KLHL9: variants seen among roughly 807,000 people sequenced by gnomAD.
KLHL9 encodes kelch-like protein 9.
A neutral mutation model predicts 42.3 loss-of-function variants in KLHL9; 27 were observed. That is an observed-to-expected ratio of 0.64 (90% CI 0.47 to 0.88). KLHL9 has a LOEUF of 0.88. Ranked by LOEUF, KLHL9 falls within the 40% of genes least tolerant of loss-of-function variation. The pLI is 0.00. For synonymous variants in KLHL9, 274 were observed against 254.4 expected (o/e 1.08, Z -0.73); for missense variants, 629 against 750.3 (o/e 0.84, Z 1.89).
At position 21,334,283 on chromosome 9, in the gene KLHL9, G is replaced by C. The variant is rs758195316; in HGVS notation, c.577C>G (p.Leu193Val). Residue 193 changes from leucine to valine, a missense_variant, in exon 1 of 1, where the codon CTC becomes GTC. This residue lies in a region of KLHL9 where 351 missense variants were observed against 363.1 expected (regional missense o/e 0.97). Transcript: ENST00000359039. This position sits in a 1 kb window ranked among gnomAD's most constrained non-coding sequence, Gnocchi z 5.1. ...ACAAATGCAAGTCGTTCAAAAGGGA[G>C]TTTTAGAAACTCCCCAGTACTCAAT... ...ALLSTGEFLK[L>V]PFERLAFVLS... 6.2e-7 allele frequency: 1 copy of C among 1,614,128 alleles called. No individual in the cohort carries two copies. Among genetic ancestry groups the C allele is most frequent in the South Asian group, 1.1e-5 (1 of 91,080 alleles).
In KLHL9 at chr9:21,333,828, G is replaced by T; in HGVS notation, c.1032C>A (p.Val344=). The change falls in exon 1 of 1, where the codon GTC becomes GTA. Residue 344 remains valine, a synonymous_variant. Transcript: ENST00000359039. This position sits in a 1 kb window ranked among gnomAD's most constrained non-coding sequence, Gnocchi z 7.5. ...CAACTACATAAAGAAAGTTTCCAAT[G>T]ACAGCAATACCATGCTGGTAACGGG... The part of the protein sequence containing the change: ...DAPRYQHGIA[V]IGNFLYVVGG... The T allele has an allele frequency of 6.2e-7, 1 of 1,613,926 alleles. No homozygotes were observed. Among genetic ancestry groups the T allele is most frequent in the Non-Finnish European group, 8.5e-7 (1 of 1,180,028 alleles).
At position 21,331,381 on chromosome 9, in the gene KLHL9, G is replaced by T. The variant is rs1820167465; in HGVS notation, c.*1625C>A. Reference sequence around the variant, plus strand: ...ACACTTGTATGGGCAGTAAGGTTCAGACCCCTAGAAGCCAATTCATTTTGC... The same window carrying T: ...ACACTTGTATGGGCAGTAAGGTTCATACCCCTAGAAGCCAATTCATTTTGC... On this transcript the variant is annotated 3_prime_UTR_variant, in exon 1 of 1. Coordinates refer to ENST00000359039, the MANE Select transcript of KLHL9 (RefSeq NM_018847.4). The T allele has an allele frequency of 6.6e-6, 1 of 152,496 alleles. No homozygotes were observed. Among genetic ancestry groups the T allele is most frequent in the Non-Finnish European group, 1.5e-5 (1 of 68,028 alleles). The allele number at this position is 152,496 out of a possible 1,614,324, so 9.4% of individuals were successfully genotyped here.
In KLHL9 at chr9:21,334,973, G is replaced by T; in HGVS notation, c.-114C>A. 1 of 1,489,236 alleles carries T rather than the reference G, an allele frequency of 6.7e-7. No individual in the cohort carries two copies. The highest frequency in any genetic ancestry group is 2.4e-5 in the East Asian group (1 of 41,720). 92.3% of individuals were successfully genotyped at this position (1,489,236 alleles called of 1,614,324 possible). A position where few individuals can be genotyped will look rare whatever the true frequency, so the allele number is the denominator to read the frequency against. Reference sequence around the variant, plus strand: ...ACAGAAAGCTCGTTTCCTTATCAAGGGAAGGCAGTCACTGCGGCACCCCTC... The same window carrying T: ...ACAGAAAGCTCGTTTCCTTATCAAGTGAAGGCAGTCACTGCGGCACCCCTC... On this transcript the variant is annotated 5_prime_UTR_variant, in exon 1 of 1. Coordinates refer to ENST00000359039, the MANE Select transcript of KLHL9 (RefSeq NM_018847.4). The surrounding 1 kb of genome is among the most constrained non-coding windows in gnomAD (Gnocchi z 5.1).
chr9:21,335,258 C>G lies in KLHL9; in HGVS notation c.-399G>C. 1 of 479,560 alleles carries G rather than the reference C, an allele frequency of 2.1e-6. No individual in the cohort carries two copies. Among genetic ancestry groups the G allele is most frequent in the South Asian group, 4.9e-5 (1 of 20,352 alleles). The allele number at this position is 479,560 out of a possible 1,614,324, so 29.7% of individuals were successfully genotyped here. A position where few individuals can be genotyped will look rare whatever the true frequency, so the allele number is the denominator to read the frequency against. On this transcript the variant is annotated 5_prime_UTR_variant, in exon 1 of 1. Transcript: ENST00000359039. Reference sequence around the variant, plus strand: ...TCAGCGAACGGCCCGCTGCGCCCTCCGCTGTACCTAGAGTGTCGCAGCGGC... The same window carrying G: ...TCAGCGAACGGCCCGCTGCGCCCTCGGCTGTACCTAGAGTGTCGCAGCGGC...
In KLHL9 at chr9:21,335,205, G is replaced by GA; in HGVS notation, c.-347_-346insT. 1 of 498,938 alleles carries GA rather than the reference G, an allele frequency of 2.0e-6. No individual in the cohort carries two copies. Among genetic ancestry groups the GA allele is most frequent in the Non-Finnish European group, 3.6e-6 (1 of 276,128 alleles). 30.9% of individuals were successfully genotyped at this position (498,938 alleles called of 1,614,324 possible). A position where few individuals can be genotyped will look rare whatever the true frequency, so the allele number is the denominator to read the frequency against. ...GCGCCGCCACGTACTGTGGCTCCACGGCCCGCTCGGCGGCGGGTCCGGACA... is the reference window on the plus strand; with the variant it reads ...GCGCCGCCACGTACTGTGGCTCCACGAGCCCGCTCGGCGGCGGGTCCGGACA... On this transcript the variant is annotated 5_prime_UTR_variant, in exon 1 of 1. Transcript: ENST00000359039.
chr9:21,332,807 A>G lies in KLHL9; in HGVS notation c.*199T>C. The G allele has an allele frequency of 1.3e-6, 1 of 752,516 alleles. No homozygotes were observed. The highest frequency in any genetic ancestry group is 2.8e-5 in the South Asian group (1 of 35,206). The allele number at this position is 752,516 out of a possible 1,614,324, so 46.6% of individuals were successfully genotyped here. ...AAACATTTTTCTACGTCTTTTTTTC[A>G]TTTGTTAAAACAGCTATGTTAAATA... is the stretch of plus-strand genomic sequence containing the variant. On this transcript the variant is annotated 3_prime_UTR_variant, in exon 1 of 1. Coordinates refer to ENST00000359039, the MANE Select transcript of KLHL9 (RefSeq NM_018847.4).
At position 21,334,826 on chromosome 9, in the gene KLHL9, C is replaced by T; in HGVS notation, c.34G>A (p.Val12Ile). 6.2e-7 allele frequency: 1 copy of T among 1,613,910 alleles called. No individual in the cohort carries two copies. Among genetic ancestry groups the T allele is most frequent in the South Asian group, 1.1e-5 (1 of 91,072 alleles). The change falls in exon 1 of 1, where the codon GTC becomes ATC. Residue 12 changes from valine to isoleucine, a missense_variant. Physicochemically the swap from Val to Ile is conservative, Grantham distance 29. This residue lies in a region of KLHL9 where 351 missense variants were observed against 363.1 expected (regional missense o/e 0.97). Transcript: ENST00000359039. This position sits in a 1 kb window ranked among gnomAD's most constrained non-coding sequence, Gnocchi z 5.1. ...TTACAAGGCTGCAAATGGGCAGAGA[C>T]GCCCATTTCGCCGTTACCAAGGGAC... ...KVSLGNGEMG[V>I]SAHLQPCKAG...
Position 21,334,176 on chromosome 9 carries a change from A to G in KLHL9, c.684T>C (p.Pro228=), listed in dbSNP as rs1416345274. The change falls in exon 1 of 1, where the codon CCT becomes CCC. Residue 228 remains proline (P), a synonymous_variant. Transcript: ENST00000359039. This position sits in a 1 kb window ranked among gnomAD's most constrained non-coding sequence, Gnocchi z 5.1. The part of the protein sequence containing the change: ...AACRWLRLED[P]RMDYAAKLMK... ...TTAACTTTGCAGCATAATCCATCCGAGGGTCTTCCAACCTTAGCCAGCGAC... is the reference window on the plus strand; with the variant it reads ...TTAACTTTGCAGCATAATCCATCCGGGGGTCTTCCAACCTTAGCCAGCGAC... 43 of 1,614,076 alleles carry G rather than the reference A, an allele frequency of 2.7e-5. No individual in the cohort carries two copies. The highest frequency in any genetic ancestry group is 3.4e-5 in the Non-Finnish European group (40 of 1,180,042).
In KLHL9 at chr9:21,332,890, G is replaced by A. The variant is rs1476312945; in HGVS notation, c.*116C>T. On this transcript the variant is annotated 3_prime_UTR_variant, in exon 1 of 1. Coordinates refer to ENST00000359039, the MANE Select transcript of KLHL9 (RefSeq NM_018847.4). ...AAACATACTAAAAGCCATACAAGAC[G>A]AATAACATCAGTTACCTTTATATCT... 8.8e-6 allele frequency: 13 copies of A among 1,469,868 alleles called. No homozygotes were observed. The East Asian group carries it at 1.2e-4, about 14-fold the overall frequency. The allele number at this position is 1,469,868 out of a possible 1,614,324, so 91.1% of individuals were successfully genotyped here.
At position 21,335,384 on chromosome 9, in the gene KLHL9, AAAGCCT is replaced by A. The variant is rs777028505; in HGVS notation, c.-531_-526del. The stretch of plus-strand genomic sequence containing the variant: ...CCAACACCGAGCCGCTCCTTCCGGA[AAAGCCT>A]AGTCCCAGGATACCACGGGGTGGGA... On this transcript the variant is annotated 5_prime_UTR_variant, in exon 1 of 1. Coordinates refer to ENST00000359039, the MANE Select transcript of KLHL9 (RefSeq NM_018847.4). 14 of 397,434 alleles carry A rather than the reference AAAGCCT, an allele frequency of 3.5e-5. No individual in the cohort carries two copies. Among genetic ancestry groups the A allele is most frequent in the Non-Finnish European group, 6.5e-5 (14 of 216,474 alleles). 24.6% of individuals were successfully genotyped at this position (397,434 alleles called of 1,614,324 possible). A position where few individuals can be genotyped will look rare whatever the true frequency, so the allele number is the denominator to read the frequency against.
At position 21,332,796 on chromosome 9, in the gene KLHL9, G is replaced by A. The variant is rs1586942123; in HGVS notation, c.*210C>T. 1.5e-6 allele frequency: 1 copy of A among 662,600 alleles called. No homozygotes were observed. Among genetic ancestry groups the A allele is most frequent in the Non-Finnish European group, 2.3e-6 (1 of 430,520 alleles). 41.0% of individuals were successfully genotyped at this position (662,600 alleles called of 1,614,324 possible). On this transcript the variant is annotated 3_prime_UTR_variant, in exon 1 of 1. Transcript: ENST00000359039. Reference sequence around the variant, plus strand: ...AAAAGACATCTAAACATTTTTCTACGTCTTTTTTTCATTTGTTAAAACAGC... The same window carrying A: ...AAAAGACATCTAAACATTTTTCTACATCTTTTTTTCATTTGTTAAAACAGC...
In KLHL9 at chr9:21,332,972, C is replaced by A; in HGVS notation, c.*34G>T. 1 of 1,613,732 alleles carries A rather than the reference C, an allele frequency of 6.2e-7. No individual in the cohort carries two copies. Among genetic ancestry groups the A allele is most frequent in the Non-Finnish European group, 8.5e-7 (1 of 1,179,748 alleles). Reference sequence around the variant, plus strand: ...AACTGAAGGGGAAGTATTAGATCACCCATGACGTACTGCAAAGGTGTTACA... The same window carrying A: ...AACTGAAGGGGAAGTATTAGATCACACATGACGTACTGCAAAGGTGTTACA... On this transcript the variant is annotated 3_prime_UTR_variant, in exon 1 of 1. Transcript: ENST00000359039.
rs1051989081 is a variant in KLHL9 at position 21,331,068 on chromosome 9, G to A, written c.*1938C>T. On this transcript the variant is annotated 3_prime_UTR_variant, in exon 1 of 1. Coordinates refer to ENST00000359039, the MANE Select transcript of KLHL9 (RefSeq NM_018847.4). ...ATAAAGAGATCCTATAACTTGATAC[G>A]AAAAACAAAGCAACTCCAACAGATA... The A allele has an allele frequency of 1.3e-5, 2 of 152,452 alleles. No homozygotes were observed. The highest frequency in any genetic ancestry group is 1.9e-4 in the East Asian group (1 of 5,190). 9.4% of individuals were successfully genotyped at this position (152,452 alleles called of 1,614,324 possible).
rs8729 is a variant in KLHL9 at position 21,331,120 on chromosome 9, C to T, written c.*1886G>A. The T allele has an allele frequency of 0.26, 39,971 of 152,352 alleles. 5,608 individuals carry two copies. The highest frequency in any genetic ancestry group is 0.41 in the East Asian group (2,139 of 5,176). The allele number at this position is 152,352 out of a possible 1,614,324, so 9.4% of individuals were successfully genotyped here. On this transcript the variant is annotated 3_prime_UTR_variant, in exon 1 of 1. Coordinates refer to ENST00000359039, the MANE Select transcript of KLHL9 (RefSeq NM_018847.4). Reference sequence around the variant, plus strand: ...CAGAAGGGCAAAAGGACAGGAACATCTGATCAAAGAAACACAGCTACCGAT... The same window carrying T: ...CAGAAGGGCAAAAGGACAGGAACATTTGATCAAAGAAACACAGCTACCGAT...
Position 21,334,808 on chromosome 9 carries a change from G to A in KLHL9, c.52C>T (p.Pro18Ser), listed in dbSNP as rs780428651. ...GEMGVSAHLQ[P>S]CKAGTTRFFT... ...AAGCGTGTGGTTCCTGCCTTACAAG[G>A]CTGCAAATGGGCAGAGACGCCCATT... The change falls in exon 1 of 1, where the codon CCT (proline) becomes TCT (serine). Residue 18 changes from proline (P) to serine (S), a missense_variant. Physicochemically the swap from Pro to Ser is moderately conservative, Grantham distance 74. Coordinates refer to ENST00000359039, the MANE Select transcript of KLHL9 (RefSeq NM_018847.4). The surrounding 1 kb of genome is among the most constrained non-coding windows in gnomAD (Gnocchi z 5.1). 3 of 1,613,560 alleles carry A rather than the reference G, an allele frequency of 1.9e-6. No individual in the cohort carries two copies. Among genetic ancestry groups the A allele is most frequent in the Middle Eastern group, 1.6e-4 (1 of 6,078 alleles).
rs1820164260 is a variant in KLHL9, at chr9:21,331,191, C to T, written c.*1815G>A. The T allele has an allele frequency of 1.3e-5, 2 of 152,494 alleles. No individual in the cohort carries two copies. The highest frequency in any genetic ancestry group is 2.9e-5 in the Non-Finnish European group (2 of 68,026). The allele number at this position is 152,494 out of a possible 1,614,324, so 9.4% of individuals were successfully genotyped here. On this transcript the variant is annotated 3_prime_UTR_variant, in exon 1 of 1. Coordinates refer to ENST00000359039, the MANE Select transcript of KLHL9 (RefSeq NM_018847.4). ...CATTAATAATCAAAGGATTAGGATG[C>T]ACTTCTTGCTTATTCAATAAAGTTA...
Position 21,332,864 on chromosome 9 carries a change from T to C in KLHL9, c.*142A>G, listed in dbSNP as rs1820197637. The C allele has an allele frequency of 7.8e-7, 1 of 1,280,908 alleles. No homozygotes were observed. The highest frequency in any genetic ancestry group is 1.1e-6 in the Non-Finnish European group (1 of 948,484). 79.3% of individuals were successfully genotyped at this position (1,280,908 alleles called of 1,614,324 possible). ...CAGAATGCATTTGTTAGCCACTTGATAAACATACTAAAAGCCATACAAGAC... is the reference window on the plus strand; with the variant it reads ...CAGAATGCATTTGTTAGCCACTTGACAAACATACTAAAAGCCATACAAGAC... On this transcript the variant is annotated 3_prime_UTR_variant, in exon 1 of 1. Coordinates refer to ENST00000359039, the MANE Select transcript of KLHL9 (RefSeq NM_018847.4).
rs1455010507 is a variant in KLHL9, at chr9:21,332,649, T to C, written c.*357A>G. On this transcript the variant is annotated 3_prime_UTR_variant, in exon 1 of 1. Coordinates refer to ENST00000359039, the MANE Select transcript of KLHL9 (RefSeq NM_018847.4). Reference sequence around the variant, plus strand: ...ATTAATACTTGGCAACCTTTCGTTATTTTTAGTTTAGAGCGGCCTCCCTCT... The same window carrying C: ...ATTAATACTTGGCAACCTTTCGTTACTTTTAGTTTAGAGCGGCCTCCCTCT... 1 of 209,068 alleles carries C rather than the reference T, an allele frequency of 4.8e-6. No homozygotes were observed. Among genetic ancestry groups the C allele is most frequent in the African/African-American group, 2.3e-5 (1 of 42,992 alleles). 13.0% of individuals were successfully genotyped at this position (209,068 alleles called of 1,614,324 possible).
At position 21,331,892 on chromosome 9, in the gene KLHL9, G is replaced by C. The variant is rs913034507; in HGVS notation, c.*1114C>G. 6.6e-6 allele frequency: 1 copy of C among 152,582 alleles called. No individual in the cohort carries two copies. The highest frequency in any genetic ancestry group is 1.5e-5 in the Non-Finnish European group (1 of 68,044). The allele number at this position is 152,582 out of a possible 1,614,324, so 9.5% of individuals were successfully genotyped here. ...GATCACACAGCTCAGGATGCACATG[G>C]ACTGGAACAGCACCAGGGCAAGCAC... On this transcript the variant is annotated 3_prime_UTR_variant, in exon 1 of 1. Transcript: ENST00000359039.
Sources: allele counts gnomAD v4.1 joint callset, GRCh38; gene constraint gnomAD v4.1.1; regional missense constraint gnomAD v4.1.1; non-coding constraint Gnocchi (gnomAD v3.1); transcripts MANE v1.5; gene names NCBI Gene and HGNC (gene_info 2026-07-23, HGNC 2026-07-21).